The following MTMR2 variants were observed in gnomAD, a reference collection of about 807,000 sequenced individuals.
MTMR2 encodes phosphatidylinositol-3,5-bisphosphate 3-phosphatase MTMR2.
In MTMR2, 55 loss-of-function variants were observed where a neutral mutation model predicts 86.9. The observed-to-expected ratio is 0.63, with a 90% CI of 0.51 to 0.79. The LOEUF (loss-of-function observed/expected upper bound fraction) is 0.79, where lower values mean the gene tolerates loss of function less well. Among genes scored for constraint, MTMR2 ranks in the 30% least tolerant of loss-of-function variants. The probability of loss-of-function intolerance (pLI) is 0.00; values close to 1 mark genes in which losing one functional copy is unlikely to be tolerated. For missense variants in MTMR2, 659 were observed against 772.3 expected, an observed-to-expected ratio of 0.85 and a Z score of 1.74; for synonymous variants, 241 against 266.8, an observed-to-expected ratio of 0.90 and a Z score of 0.94.
chr11:95,900,908 G>T (rs1348050222), intron 1 of MTMR2, among the ~76,000 whole-genome samples: 1 of 152,044 alleles, frequency 6.6e-6, no homozygotes. Context: ...ACAAAACCAG[G>T]GGCCTTGTTT....
intron 1 of MTMR2, among the ~76,000 whole-genome samples, chr11:95,888,993 G>T (rs982348327): frequency 6.6e-6 from 1 of 152,174 alleles, no homozygotes; most frequent in Non-Finnish European, 1.5e-5. Flanking sequence ...ATGGATAAAA[G>T]AGCAGATGAG....
chr11:95,908,314 A>G (rs2135599738), intron 1 of MTMR2, among the ~76,000 whole-genome samples: 1 of 152,290 alleles, frequency 6.6e-6, no homozygotes, highest in East Asian at 1.9e-4. Context: ...TAAGAATTAC[A>G]AAACACTACT....
At chr11:95,883,059 CTATTTAA>C (rs1256979322) in intron 2 of MTMR2, among the ~76,000 whole-genome samples, 1 of 151,830 alleles carries the variant, frequency 6.6e-6, no homozygotes, top group Non-Finnish European at 1.5e-5. Context: ...AGACATAAGT[CTATTTAA>C]TATTTAATTC....
At chr11:95,850,168 G>C (rs1270711162) in intron 8 of MTMR2, among the ~76,000 whole-genome samples, 1 of 150,412 alleles carries the variant, frequency 6.6e-6, no homozygotes, top group Admixed American at 6.6e-5. Context: ...TAGTAAAACT[G>C]CTCAGTTCTA....
intron 2 of MTMR2, among the ~76,000 whole-genome samples, chr11:95,885,258 C>T (rs779284958): frequency 1.3e-5 from 2 of 152,034 alleles, no homozygotes; most frequent in Admixed American, 6.6e-5. Flanking sequence ...CCAGATTGTA[C>T]ATTTGCAAAA....
rs1394178846 is a variant in MTMR2 at position 95,847,716 on chromosome 11, T to A, written c.1177A>T (p.Lys393Ter). 2 of 1,611,154 alleles carry A rather than the reference T, an allele frequency of 1.2e-6. No individual in the cohort carries two copies. Among genetic ancestry groups the A allele is most frequent in the Admixed American group, 3.3e-5 (2 of 59,996 alleles). Residue 393 changes from lysine to a stop codon, truncating the protein, a stop_gained and splice_region_variant, in exon 10 of 15, where the codon AAG becomes TAG. Coordinates refer to ENST00000346299, the MANE Select transcript of MTMR2 (RefSeq NM_016156.6). LOFTEE classifies it high-confidence loss of function. ...GGGATATAGTAACACACACCCACCT[T>A]AATATGTTCTAGCCAATGAGTAGAT... ...LESTHWLEHI[K>*]LILAGALRIA...
intron 2 of MTMR2, 110 bp downstream of exon 2, chr11:95,888,046 C>T: frequency 1.2e-6 from 1 of 822,368 alleles, no homozygotes; most frequent in Non-Finnish European, 2.0e-6. Flanking sequence ...AGACCGGGAT[C>T]TATGAGAATA....
chr11:95,884,120 CCA>C (rs1415236530), intron 2 of MTMR2, among the ~76,000 whole-genome samples: 1 of 152,142 alleles, frequency 6.6e-6, no homozygotes, highest in Non-Finnish European at 1.5e-5. Flanking sequence ...AAGAGCCAAA[CCA>C]CAGTCAGTCA....
At chr11:95,881,144 A>G (rs1375656983) in intron 2 of MTMR2, among the ~76,000 whole-genome samples, 1 of 151,404 alleles carries the variant, frequency 6.6e-6, no homozygotes, top group Admixed American at 6.6e-5. Flanking sequence ...TTTTTTAAAC[A>G]TGGCCAACCT....
rs930233908 is a variant in MTMR2, at chr11:95,924,041, G to T, written c.-87C>A. 4.0e-6 allele frequency: 6 copies of T among 1,508,354 alleles called. No homozygotes were observed. The East Asian group carries it at 1.5e-4, about 37-fold the overall frequency. 93.4% of individuals were successfully genotyped at this position (1,508,354 alleles called of 1,614,324 possible). Reference sequence around the variant, plus strand: ...AGCGGAGGGCGGAGTGCTACGGACCGGGGCCGCAGTCAGGCCAGCGCCGGC... The same window carrying T: ...AGCGGAGGGCGGAGTGCTACGGACCTGGGCCGCAGTCAGGCCAGCGCCGGC... On this transcript the variant is annotated 5_prime_UTR_variant, in exon 1 of 15. Transcript: ENST00000346299.
At chr11:95,918,222 G>T (rs6483461) in intron 1 of MTMR2, among the ~76,000 whole-genome samples, 25,429 of 152,110 alleles carry the variant, frequency 0.17, 4,591 homozygotes, top group African/African-American at 0.45. Context: ...TCAAACTTCA[G>T]CATCCATCGG....
At position 95,889,685 on chromosome 11, in the gene MTMR2, A is replaced by G. The variant is rs1865645193; in HGVS notation, c.81-1424T>C. On this transcript the variant is annotated intron_variant, in intron 1 of 14. Transcript: ENST00000346299. The stretch of plus-strand genomic sequence containing the variant: ...TTCTTTTTTATTTTCCACAAAATCT[A>G]CTTCAGGACCTGTGTACACTGTTAA... Among the ~76,000 whole-genome samples, 3 of 152,216 alleles carry G rather than the reference A, an allele frequency of 2.0e-5. 1 individual carries two copies. The South Asian group carries it at 6.2e-4, about 32-fold the overall frequency.
chr11:95,838,799 A>T (rs1459163099), intron 12 of MTMR2, among the ~76,000 whole-genome samples: 1 of 152,092 alleles, frequency 6.6e-6, no homozygotes, highest in African/African-American at 2.4e-5. Context: ...TCTAACAAAA[A>T]GAAAATTCAC....
rs146530346 is a variant in MTMR2, at chr11:95,876,702, A to G, written c.187-11026T>C. Among the ~76,000 whole-genome samples, 1,484 of 152,232 alleles carry G rather than the reference A, an allele frequency of 9.7e-3. 14 individuals carry two copies. The highest frequency in any genetic ancestry group is 0.018 in the Admixed American group (274 of 15,290). ...ATTCCTACTACATAATCAGTTTAGTATTCCTCCCTTCCCAGCCCTGATTTT... is the reference window on the plus strand; with the variant it reads ...ATTCCTACTACATAATCAGTTTAGTGTTCCTCCCTTCCCAGCCCTGATTTT... On this transcript the variant is annotated intron_variant, in intron 2 of 14. Transcript: ENST00000346299.
intron 1 of MTMR2, among the ~76,000 whole-genome samples, chr11:95,904,834 T>C (rs1866197475): frequency 6.6e-6 from 1 of 152,156 alleles, no homozygotes; most frequent in South Asian, 2.1e-4. Flanking sequence ...CTAAGAACCC[T>C]CTCTTGGGGT....
At chr11:95,839,025 G>T (rs1863419879) in intron 12 of MTMR2, among the ~76,000 whole-genome samples, 1 of 151,972 alleles carries the variant, frequency 6.6e-6, no homozygotes, top group African/African-American at 2.4e-5. Flanking sequence ...TATTTAGATT[G>T]CAGACTGTGA....
intron 10 of MTMR2, among the ~76,000 whole-genome samples, chr11:95,847,476 C>T (rs1016892475): frequency 3.3e-5 from 5 of 151,932 alleles, no homozygotes; most frequent in African/African-American, 1.2e-4. Flanking sequence ...AAGGATGGTT[C>T]GAATTCAGAT....
intron 2 of MTMR2, among the ~76,000 whole-genome samples, chr11:95,866,751 G>A (rs943074485): frequency 6.7e-6 from 1 of 148,788 alleles, no homozygotes; most frequent in African/African-American, 2.5e-5. Flanking sequence ...AAGAAGAGAG[G>A]AAAGGAGGAC....
chr11:95,913,578 T>C (rs1417477964), intron 1 of MTMR2, among the ~76,000 whole-genome samples: 1 of 152,086 alleles, frequency 6.6e-6, no homozygotes, highest in East Asian at 1.9e-4. Flanking sequence ...AATACATAGG[T>C]GGTCCTCAGC....
Sources: allele counts gnomAD v4.1 joint callset (sites outside exome capture counted in the v4.1 genomes callset), GRCh38; gene constraint gnomAD v4.1.1; transcripts MANE v1.5; gene names NCBI Gene and HGNC (gene_info 2026-07-23, HGNC 2026-07-21).